The following STAU2 variants were observed in gnomAD, a reference collection of about 807,000 sequenced individuals.
STAU2 encodes staufen double-stranded RNA binding protein 2, also known as double-stranded RNA-binding protein Staufen homolog 2.
Under a neutral mutation model 65.9 loss-of-function variants are expected in STAU2, and 20 were observed. The observed-to-expected ratio is 0.30, with a 90% CI of 0.21 to 0.44. The LOEUF is 0.44. STAU2 is among the 20% of genes least tolerant of loss of function. The probability of loss-of-function intolerance (pLI) is 1.00; values close to 1 mark genes in which losing one functional copy is unlikely to be tolerated. For missense variants in STAU2, 558 were observed against 683.9 expected (o/e 0.82, Z 2.05); for synonymous variants, 232 against 233.9 (o/e 0.99, Z 0.07).
At chr8:73,431,101 A>G (rs1401896122) in intron 13 of STAU2, among the ~76,000 whole-genome samples, 1 of 152,242 alleles carries the variant, frequency 6.6e-6, no homozygotes, top group Non-Finnish European at 1.5e-5. Flanking sequence ...ATCCTGAATG[A>G]TGCTTAAATC....
intron 3 of STAU2, among the ~76,000 whole-genome samples, chr8:73,718,693 C>G (rs757671325): frequency 5.9e-5 from 9 of 152,190 alleles, no homozygotes; most frequent in Non-Finnish European, 1.3e-4. Context: ...TCAACTGTAT[C>G]TTATTCAGGT....
chr8:73,534,402 G>T (rs964916834), intron 13 of STAU2, among the ~76,000 whole-genome samples: 3 of 152,180 alleles, frequency 2.0e-5, no homozygotes, highest in Admixed American at 1.3e-4. Context: ...TAAATAAGTA[G>T]ATTAAGTTGG....
intron 6 of STAU2, among the ~76,000 whole-genome samples, chr8:73,644,044 C>G (rs1353962152): frequency 6.6e-6 from 1 of 152,074 alleles, no homozygotes; most frequent in East Asian, 1.9e-4. Context: ...GTAAGTTTTA[C>G]AAACTTACCT....
At chr8:73,426,211 T>C (rs1816815307) in intron 13 of STAU2, among the ~76,000 whole-genome samples, 1 of 151,950 alleles carries the variant, frequency 6.6e-6, no homozygotes, top group South Asian at 2.1e-4. Flanking sequence ...TACACATTCA[T>C]GGGGTGGGTA....
intron 6 of STAU2, among the ~76,000 whole-genome samples, chr8:73,618,714 T>A (rs1336899639): frequency 2.6e-5 from 4 of 152,218 alleles, no homozygotes; most frequent in African/African-American, 7.2e-5. Context: ...AGCAAGGATA[T>A]CTAATAGGCT....
At chr8:73,582,438 T>A (rs1462305269) in intron 12 of STAU2, among the ~76,000 whole-genome samples, 2 of 150,018 alleles carry the variant, frequency 1.3e-5, no homozygotes, top group Non-Finnish European at 3.0e-5. Context: ...ATTATAAAAA[T>A]TATTTTTATA....
intron 13 of STAU2, among the ~76,000 whole-genome samples, chr8:73,523,466 C>A (rs4383955): frequency 0.34 from 51,593 of 151,624 alleles, 9,094 homozygotes; most frequent in African/African-American, 0.41. Context: ...TAAAATTTAC[C>A]CTTTTTAGAG....
chr8:73,702,882 T>C (rs545591825), intron 4 of STAU2, among the ~76,000 whole-genome samples: 1 of 152,234 alleles, frequency 6.6e-6, no homozygotes, highest in Admixed American at 6.5e-5. Context: ...TTAGAAAGGC[T>C]GACTATATAA....
intron 4 of STAU2, among the ~76,000 whole-genome samples, chr8:73,689,141 T>A (rs910625185): frequency 2.0e-5 from 3 of 152,152 alleles, no homozygotes; most frequent in African/African-American, 4.8e-5. Flanking sequence ...TAAGTAGAAA[T>A]AATAAGAGAA....
intron 12 of STAU2, among the ~76,000 whole-genome samples, chr8:73,573,499 A>T (rs1809268534): frequency 6.6e-6 from 1 of 152,238 alleles, no homozygotes; most frequent in Non-Finnish European, 1.5e-5. Context: ...CTGACTTCAA[A>T]CTATACTACC....
intron 6 of STAU2, among the ~76,000 whole-genome samples, chr8:73,655,709 C>T (rs1217656629): frequency 1.3e-4 from 17 of 128,056 alleles, no homozygotes; most frequent in African/African-American, 3.7e-4. Context: ...AGTGCAGTGG[C>T]GCGATCTCGG....
intron 3 of STAU2, among the ~76,000 whole-genome samples, chr8:73,729,532 T>C (rs62507986): frequency 1.1e-3 from 175 of 152,258 alleles, no homozygotes; most frequent in Middle Eastern, 0.01. Flanking sequence ...CTTTAAATAT[T>C]TGGTAGAATC....
At chr8:73,688,965 C>T (rs1019872747) in intron 4 of STAU2, 152 bp from the exon 5 acceptor site, 75 of 894,754 alleles carry the variant, frequency 8.4e-5, no homozygotes, top group East Asian at 4.5e-4. Context: ...TCTTACTCTA[C>T]CTAGTGAAGA....
chr8:73,684,613 CTTAA>C (rs1258728237), intron 5 of STAU2, among the ~76,000 whole-genome samples: 2 of 152,086 alleles, frequency 1.3e-5, no homozygotes, highest in Non-Finnish European at 2.9e-5. Context: ...ACAGATGGGA[CTTAA>C]TTAAACTAAA....
chr8:73,493,334 A>T (rs1445769139), intron 13 of STAU2, among the ~76,000 whole-genome samples: 1 of 151,858 alleles, frequency 6.6e-6, no homozygotes, highest in Non-Finnish European at 1.5e-5. Context: ...AAAATGAATA[A>T]GGAAGCCTAA....
intron 6 of STAU2, among the ~76,000 whole-genome samples, chr8:73,648,362 G>A (rs550736092): frequency 6.9e-4 from 105 of 152,258 alleles, no homozygotes; most frequent in Middle Eastern, 3.4e-3. Context: ...TTTGAGTCTT[G>A]CAGAAATAGA....
intron 12 of STAU2, among the ~76,000 whole-genome samples, chr8:73,579,933 T>C (rs1320697211): frequency 6.6e-6 from 1 of 152,226 alleles, no homozygotes; most frequent in African/African-American, 2.4e-5. Context: ...CAGTTTCCTA[T>C]GACTGTAATC....
chr8:73,737,407 G>A (rs1806511897), intron 3 of STAU2, among the ~76,000 whole-genome samples: 2 of 152,080 alleles, frequency 1.3e-5, no homozygotes, highest in African/African-American at 4.8e-5. Flanking sequence ...CCGACCTCAG[G>A]TGATCTGCCC....
At position 73,746,331 on chromosome 8, in the gene STAU2, C is replaced by T. The variant is rs114017782; in HGVS notation, c.-197+452G>A. 6.5e-3 allele frequency among the ~76,000 whole-genome samples: 981 copies of T among 151,754 alleles called. 19 individuals carry two copies. The highest frequency in any genetic ancestry group is 0.023 in the African/African-American group (932 of 41,384). ...CTCCCCTGCCCTACTCTAGGCGCTC[C>T]CTCTCCCTCGCAGCCACACCGTGGC... is the stretch of plus-strand genomic sequence containing the variant. On this transcript the variant is annotated intron_variant, in intron 1 of 14. Coordinates refer to ENST00000524300, the MANE Select transcript of STAU2 (RefSeq NM_001164380.2).
Sources: allele counts gnomAD v4.1 joint callset (sites outside exome capture counted in the v4.1 genomes callset), GRCh38; gene constraint gnomAD v4.1.1; transcripts MANE v1.5; gene names NCBI Gene and HGNC (gene_info 2026-07-23, HGNC 2026-07-21).